PEX7: variants seen among roughly 807,000 people sequenced by gnomAD.
PEX7 encodes the protein peroxisomal biogenesis factor 7.
In PEX7, 34 loss-of-function variants were observed where a neutral mutation model predicts 47.5. That is an observed-to-expected ratio of 0.72 (90% confidence interval 0.54 to 0.95). The LOEUF (loss-of-function observed/expected upper bound fraction) is 0.95. PEX7 is among the 40% of genes least tolerant of loss of function. The pLI, the probability that PEX7 is intolerant of heterozygous loss-of-function variation, is 0.00. For synonymous variants in PEX7, 141 were observed against 148.8 expected, an observed-to-expected ratio of 0.95 and a Z score of 0.38; for missense variants, 394 against 400.3, an observed-to-expected ratio of 0.98 and a Z score of 0.13.
At chr6:136,893,533 A>ACT (rs1243402645) in intron 8 of PEX7, among the ~76,000 whole-genome samples, 2 of 152,216 alleles carry the variant, frequency 1.3e-5, no homozygotes, top group Admixed American at 6.5e-5. Flanking sequence ...ATCCCACTGA[A>ACT]CTATGAGCCG....
intron 1 of PEX7, chr6:136,823,218 A>G (rs1213899184): frequency 2.0e-6 from 2 of 985,388 alleles, no homozygotes; most frequent in South Asian, 4.7e-5. Flanking sequence ...TTGGCCCACA[A>G]TTCCCAGTCT....
chr6:136,848,775 C>T (rs1319534476), intron 5 of PEX7, among the ~76,000 whole-genome samples: 3 of 152,174 alleles, frequency 2.0e-5, no homozygotes, highest in Non-Finnish European at 4.4e-5. Flanking sequence ...AGGATTTTTG[C>T]ATTGATGTTC....
chr6:136,886,817 C>T (rs1167617002), intron 8 of PEX7, among the ~76,000 whole-genome samples: 2 of 152,220 alleles, frequency 1.3e-5, no homozygotes, highest in East Asian at 1.9e-4. Context: ...CTTTGGGAGG[C>T]CAAGGCGGGA....
At position 136,869,875 on chromosome 6, in the gene PEX7, C is replaced by G; in HGVS notation, c.634-15C>G. 1 of 1,587,892 alleles carries G rather than the reference C, an allele frequency of 6.3e-7. No individual in the cohort carries two copies. The highest frequency in any genetic ancestry group is 8.6e-7 in the Non-Finnish European group (1 of 1,156,124). On this transcript the variant is annotated splice_polypyrimidine_tract_variant and intron_variant, in intron 6 of 9. Coordinates refer to ENST00000318471, the MANE Select transcript of PEX7 (RefSeq NM_000288.4). ...CAAAGATGTCACAGTTTATGTTTCT[C>G]TGAATTGTTTTTAGAATTTGCTGGT...
At chr6:136,865,960 G>A (rs1441465779) in intron 5 of PEX7, among the ~76,000 whole-genome samples, 2 of 152,070 alleles carry the variant, frequency 1.3e-5, no homozygotes, top group African/African-American at 4.8e-5. Context: ...GTGTGCACCT[G>A]TAGTCCTGGC....
Position 136,850,195 on chromosome 6 carries a change from G to A in PEX7, c.526+4014G>A, listed in dbSNP as rs553140970. ...GATTGCAACCTCTGCTTTTTTTTTTGTTTTCCATTTGCTTGGTAGATCTTC... is the reference window on the plus strand; with the variant it reads ...GATTGCAACCTCTGCTTTTTTTTTTATTTTCCATTTGCTTGGTAGATCTTC... On this transcript the variant is annotated intron_variant, in intron 5 of 9. Transcript: ENST00000318471. 2.1e-5 allele frequency among the ~76,000 whole-genome samples: 3 copies of A among 145,716 alleles called. No individual in the cohort carries two copies. In the South Asian group the frequency reaches 6.4e-4, roughly 31 times the overall value.
intron 5 of PEX7, among the ~76,000 whole-genome samples, chr6:136,854,352 A>G (rs1392085739): frequency 1.3e-5 from 2 of 151,818 alleles, no homozygotes; most frequent in Non-Finnish European, 2.9e-5. Flanking sequence ...ACACCCAGCT[A>G]ATTTTTGTAT....
At chr6:136,897,360 G>A (rs1383589063) in intron 8 of PEX7, among the ~76,000 whole-genome samples, 3 of 152,122 alleles carry the variant, frequency 2.0e-5, no homozygotes, top group Non-Finnish European at 4.4e-5. Context: ...TAAAAAAGAT[G>A]ATGAGCAAAT....
At chr6:136,855,455 T>C (rs1267847295) in intron 5 of PEX7, among the ~76,000 whole-genome samples, 1 of 151,566 alleles carries the variant, frequency 6.6e-6, no homozygotes, top group Non-Finnish European at 1.5e-5. Context: ...TTCTCCTGCC[T>C]CAGCCTCCCG....
chr6:136,832,566 A>G (rs1327504340), intron 3 of PEX7, among the ~76,000 whole-genome samples: 1 of 152,190 alleles, frequency 6.6e-6, no homozygotes, highest in Non-Finnish European at 1.5e-5. Flanking sequence ...TTAGGTTGCA[A>G]ATTTTCTGAA....
chr6:136,861,173 C>A (rs1260937210), intron 5 of PEX7, among the ~76,000 whole-genome samples: 1 of 152,124 alleles, frequency 6.6e-6, no homozygotes, highest in African/African-American at 2.4e-5. Context: ...TAGCCTCTGC[C>A]TCCTAGGCTC....
intron 2 of PEX7, among the ~76,000 whole-genome samples, chr6:136,825,664 G>C (rs540493664): frequency 6.8e-4 from 104 of 152,148 alleles, no homozygotes; most frequent in African/African-American, 2.4e-3. Context: ...CTCCCAAGTA[G>C]CTGGGATTAT....
intron 3 of PEX7, among the ~76,000 whole-genome samples, chr6:136,837,922 G>T (rs1213170999): frequency 6.6e-6 from 1 of 151,930 alleles, no homozygotes; most frequent in African/African-American, 2.4e-5. Context: ...AGATTATTAG[G>T]ACATCCAGCT....
At position 136,900,281 on chromosome 6, in the gene PEX7, C is replaced by T. The variant is rs1775730597; in HGVS notation, c.903+2040C>T. 1.1e-5 allele frequency: 2 copies of T among 175,754 alleles called. No individual in the cohort carries two copies. Among genetic ancestry groups the T allele is most frequent in the South Asian group, 2.6e-4 (2 of 7,632 alleles). 10.9% of individuals were successfully genotyped at this position (175,754 alleles called of 1,614,324 possible). ...TCTCAACCAGTATTTTAAACACAAACATTTGAGTTGTGTATATTATTAATT... is the reference window on the plus strand; with the variant it reads ...TCTCAACCAGTATTTTAAACACAAATATTTGAGTTGTGTATATTATTAATT... On this transcript the variant is annotated intron_variant, in intron 9 of 9. Coordinates refer to ENST00000318471, the MANE Select transcript of PEX7 (RefSeq NM_000288.4). This position sits in a 1 kb window ranked among gnomAD's most constrained non-coding sequence, Gnocchi z 4.2.
chr6:136,881,972 G>A (rs745424232), intron 8 of PEX7, among the ~76,000 whole-genome samples: 14 of 152,058 alleles, frequency 9.2e-5, no homozygotes, highest in South Asian at 4.1e-4. Flanking sequence ...GATCTTTAAC[G>A]TAAGTTAAAC....
In PEX7 at chr6:136,826,370, A is replaced by G. The variant is rs777854575; in HGVS notation, c.240A>G (p.Glu80=). The change falls in exon 3 of 10, where the codon GAA becomes GAG. Residue 80 remains glutamate, a synonymous_variant. Coordinates refer to ENST00000318471, the MANE Select transcript of PEX7 (RefSeq NM_000288.4). Reference sequence around the variant, plus strand: ...ATGTGACTTGGAGTGAGAACAACGAACATGTCCTCATCACCTGTAGTGGCG... The same window carrying G: ...ATGTGACTTGGAGTGAGAACAACGAGCATGTCCTCATCACCTGTAGTGGCG... ...LFDVTWSENN[E]HVLITCSGDG... 3.1e-6 allele frequency: 5 copies of G among 1,613,996 alleles called. No individual in the cohort carries two copies. The Admixed American group carries it at 5.0e-5, about 16-fold the overall frequency.
At chr6:136,859,127 A>G (rs909240986) in intron 5 of PEX7, among the ~76,000 whole-genome samples, 12 of 152,238 alleles carry the variant, frequency 7.9e-5, no homozygotes, top group African/African-American at 2.9e-4. Flanking sequence ...GTTTGCTCCA[A>G]GAATTTAGTC....
rs531640232 is a variant in PEX7 at position 136,863,603 on chromosome 6, G to A, written c.527-3024G>A. Among the ~76,000 whole-genome samples, 5 of 152,112 alleles carry A rather than the reference G, an allele frequency of 3.3e-5. No homozygotes were observed. In the South Asian group the frequency reaches 6.2e-4, roughly 19 times the overall value. On this transcript the variant is annotated intron_variant, in intron 5 of 9. Transcript: ENST00000318471. ...GAAAATATAATAGAAATTTTTCTCCGATTTATAGAAAAAGTAATACAGGGC... is the reference window on the plus strand; with the variant it reads ...GAAAATATAATAGAAATTTTTCTCCAATTTATAGAAAAAGTAATACAGGGC...
chr6:136,870,032 A>G (rs1228255993), intron 7 of PEX7, 29 bp downstream of exon 7: 2 of 1,310,424 alleles, frequency 1.5e-6, no homozygotes, highest in Non-Finnish European at 1.1e-6. Flanking sequence ...TTTTATATGT[A>G]GAATAAAATT....
Sources: allele counts gnomAD v4.1 joint callset (sites outside exome capture counted in the v4.1 genomes callset), GRCh38; gene constraint gnomAD v4.1.1; non-coding constraint Gnocchi (gnomAD v3.1); transcripts MANE v1.5; gene names NCBI Gene and HGNC (gene_info 2026-07-23, HGNC 2026-07-21).